The following EXOC6 variants were observed in gnomAD, a reference collection of about 807,000 sequenced individuals.
EXOC6 encodes the protein SEC15-like 1.
In EXOC6, 60 loss-of-function variants were observed where a neutral mutation model predicts 112.5. The ratio of observed to expected loss-of-function variants is 0.53; its 90% CI spans 0.43 to 0.66. The LOEUF (loss-of-function observed/expected upper bound fraction) is 0.66, where lower values mean the gene tolerates loss of function less well. Among genes scored for constraint, EXOC6 ranks in the 30% least tolerant of loss-of-function variants. EXOC6 has a pLI of 0.00. For synonymous variants in EXOC6, 295 were observed against 308.0 expected (o/e 0.96, Z 0.44); for missense variants, 855 against 957.1 (o/e 0.89, Z 1.41).
intron 18 of EXOC6, among the ~76,000 whole-genome samples, chr10:92,989,656 C>G (rs1171945108): frequency 1.3e-5 from 2 of 152,138 alleles, no homozygotes; most frequent in Admixed American, 1.3e-4. Context: ...TTTACTCACT[C>G]GATATAATAA....
intron 13 of EXOC6, among the ~76,000 whole-genome samples, chr10:92,942,180 C>T (rs1030317758): frequency 3.3e-5 from 5 of 152,038 alleles, no homozygotes; most frequent in African/African-American, 9.7e-5. Context: ...CTCTTGAGGC[C>T]AGGAGTTTGA....
intron 1 of EXOC6, among the ~76,000 whole-genome samples, chr10:92,888,635 TTTTG>T (rs1377718608): frequency 6.6e-6 from 1 of 152,224 alleles, no homozygotes; most frequent in African/African-American, 2.4e-5. Flanking sequence ...TTTTGGTGTA[TTTTG>T]TTTATTATTT....
At chr10:92,887,862 A>G (rs1476854378) in intron 1 of EXOC6, among the ~76,000 whole-genome samples, 1 of 152,164 alleles carries the variant, frequency 6.6e-6, no homozygotes, top group African/African-American at 2.4e-5. Flanking sequence ...TCTTCAGTAC[A>G]TTCTTTAAAT....
At chr10:92,948,405 A>T (rs1196931238) in intron 14 of EXOC6, 26 bp downstream of exon 14, 6 of 1,294,058 alleles carry the variant, frequency 4.6e-6, no homozygotes, top group Non-Finnish European at 6.5e-6. Context: ...TAATTCAAGG[A>T]TTTTCTTAAA....
chr10:92,964,643 A>G (rs1485484165), intron 17 of EXOC6, among the ~76,000 whole-genome samples: 1 of 152,188 alleles, frequency 6.6e-6, no homozygotes, highest in Admixed American at 6.6e-5. Flanking sequence ...AGATAGTTGT[A>G]TTAATCAGGG....
chr10:92,852,798 C>T (rs1847414928), intron 1 of EXOC6, among the ~76,000 whole-genome samples: 1 of 152,078 alleles, frequency 6.6e-6, no homozygotes, highest in Non-Finnish European at 1.5e-5. Flanking sequence ...AAATCTAGAG[C>T]TAAATTGTGC....
chr10:93,001,304 A>G (rs1843744344), intron 19 of EXOC6, among the ~76,000 whole-genome samples: 2 of 152,204 alleles, frequency 1.3e-5, no homozygotes, highest in African/African-American at 4.8e-5. Flanking sequence ...ACACTCCTCC[A>G]TCTTGAAATC....
intron 8 of EXOC6, among the ~76,000 whole-genome samples, chr10:92,923,578 A>C (rs916288947): frequency 1.3e-5 from 2 of 152,168 alleles, no homozygotes; most frequent in Non-Finnish European, 2.9e-5. Context: ...TCCTTGCCAC[A>C]TGGAGTGTCT....
chr10:92,911,540 T>C (rs1850761605), intron 6 of EXOC6, among the ~76,000 whole-genome samples: 1 of 152,228 alleles, frequency 6.6e-6, no homozygotes, highest in Admixed American at 6.5e-5. Flanking sequence ...TAGACCAGTT[T>C]TGGATTCTTT....
chr10:92,863,178 A>C (rs976714685), intron 1 of EXOC6, among the ~76,000 whole-genome samples: 1 of 152,228 alleles, frequency 6.6e-6, no homozygotes, highest in South Asian at 2.1e-4. Context: ...CAGCTACTTT[A>C]AAAGTTTGAT....
chr10:93,004,146 A>C (rs1843876864), intron 19 of EXOC6, among the ~76,000 whole-genome samples: 1 of 152,224 alleles, frequency 6.6e-6, no homozygotes, highest in Non-Finnish European at 1.5e-5. Context: ...GTGGGAATGG[A>C]GAGTATGGAT....
At chr10:92,852,397 TAAAG>T (rs1192935541) in intron 1 of EXOC6, among the ~76,000 whole-genome samples, 5 of 152,116 alleles carry the variant, frequency 3.3e-5, no homozygotes, top group Non-Finnish European at 4.4e-5. Flanking sequence ...ATACCAGAAC[TAAAG>T]AAAGAAAGAC....
intron 18 of EXOC6, among the ~76,000 whole-genome samples, chr10:92,975,475 G>C (rs1218550366): frequency 2.9e-5 from 4 of 138,942 alleles, no homozygotes; most frequent in Non-Finnish European, 6.4e-5. Flanking sequence ...GGAGGGAGGT[G>C]GGGGGGGTCA....
chr10:92,909,977 C>T (rs1243162854), intron 6 of EXOC6, among the ~76,000 whole-genome samples: 1 of 152,158 alleles, frequency 6.6e-6, no homozygotes, highest in African/African-American at 2.4e-5. Context: ...CCTTTTTATG[C>T]TAAGATTCTA....
intron 20 of EXOC6, among the ~76,000 whole-genome samples, chr10:93,016,624 G>T (rs1448632884): frequency 1.3e-5 from 2 of 152,114 alleles, no homozygotes; most frequent in East Asian, 1.9e-4. Context: ...GAGAAACATT[G>T]TCAAATAAGA....
intron 1 of EXOC6, among the ~76,000 whole-genome samples, chr10:92,863,977 G>A (rs1449580029): frequency 6.7e-6 from 1 of 150,132 alleles, no homozygotes; most frequent in African/African-American, 2.4e-5. Flanking sequence ...AAATTAGCTC[G>A]GCATGGTGGT....
At chr10:92,929,098 A>T (rs1851879616) in intron 9 of EXOC6, among the ~76,000 whole-genome samples, 1 of 152,200 alleles carries the variant, frequency 6.6e-6, no homozygotes, top group Non-Finnish European at 1.5e-5. Flanking sequence ...GAGCCCACCC[A>T]AAGTAGGTGT....
At chr10:92,856,081 C>G (rs1183591479) in intron 1 of EXOC6, among the ~76,000 whole-genome samples, 1 of 152,162 alleles carries the variant, frequency 6.6e-6, no homozygotes, top group South Asian at 2.1e-4. Context: ...CCAGGCTGGT[C>G]TTGAACTCCT....
intron 21 of EXOC6, 26 bp from the exon 22 acceptor site, chr10:93,058,197 G>C (rs905007502): frequency 6.3e-7 from 1 of 1,583,220 alleles, no homozygotes; most frequent in African/African-American, 1.4e-5. Flanking sequence ...CTTTTACCAA[G>C]CTTCTTCATT....
Sources: gnomAD v4.1 joint callset for allele counts (sites outside exome capture counted in the v4.1 genomes callset) on GRCh38, gnomAD v4.1.1 for gene constraint, MANE v1.5 for transcripts, NCBI Gene and HGNC (gene_info 2026-07-23, HGNC 2026-07-21) for gene names.